CDH18: variants seen among roughly 807,000 people sequenced by gnomAD.
CDH18 encodes the protein cadherin 18, also known as cadherin-18.
Under a neutral mutation model 67.9 loss-of-function variants are expected in CDH18, and 31 were observed. The ratio of observed to expected loss-of-function variants is 0.46; its 90% CI spans 0.34 to 0.62. The LOEUF is 0.62. CDH18 is among the 20% of genes least tolerant of loss of function. The pLI is 0.01. For synonymous variants in CDH18, 362 were observed against 347.2 expected, an observed-to-expected ratio of 1.04 and a Z score of -0.48; for missense variants, 890 against 975.5, an observed-to-expected ratio of 0.91 and a Z score of 1.17.
intron 3 of CDH18, among the ~76,000 whole-genome samples, chr5:19,823,370 A>C (rs2149958215): frequency 6.6e-6 from 1 of 152,290 alleles, no homozygotes; most frequent in African/African-American, 2.4e-5. Context: ...ATGTTCAGAG[A>C]TTGCAGTAAA....
chr5:20,148,436 G>C (rs995237292), intron 2 of CDH18, among the ~76,000 whole-genome samples: 2 of 151,874 alleles, frequency 1.3e-5, no homozygotes, highest in Non-Finnish European at 2.9e-5. Flanking sequence ...CTTTATTAGA[G>C]AAAAACAAAA....
chr5:19,731,176 G>A (rs551665629), intron 4 of CDH18, among the ~76,000 whole-genome samples: 1 of 152,206 alleles, frequency 6.6e-6, no homozygotes, highest in South Asian at 2.1e-4. Context: ...TCGGCCAGGC[G>A]CAGCGGCTTA....
chr5:19,607,868 G>A (rs1345123203), intron 6 of CDH18, among the ~76,000 whole-genome samples: 1 of 151,496 alleles, frequency 6.6e-6, no homozygotes, highest in Non-Finnish European at 1.5e-5. Flanking sequence ...AATAGCTATA[G>A]GAGACAAATT....
At chr5:20,568,668 C>T (rs957134062) in intron 1 of CDH18, among the ~76,000 whole-genome samples, 10 of 152,090 alleles carry the variant, frequency 6.6e-5, no homozygotes, top group Non-Finnish European at 8.8e-5. Context: ...GAGACAGAGA[C>T]GGCAACTGAG....
At chr5:20,464,217 A>C in intron 1 of CDH18, among the ~76,000 whole-genome samples, 1 of 152,176 alleles carries the variant, frequency 6.6e-6, no homozygotes, top group East Asian at 1.9e-4. Context: ...AACAGAGACA[A>C]ATGTATGCAA....
At chr5:20,519,000 T>G (rs1755551282) in intron 1 of CDH18, among the ~76,000 whole-genome samples, 1 of 152,162 alleles carries the variant, frequency 6.6e-6, no homozygotes, top group Non-Finnish European at 1.5e-5. Context: ...GATGACTATA[T>G]ATTAGTATTT....
At chr5:19,859,984 C>CT in intron 2 of CDH18, among the ~76,000 whole-genome samples, 1 of 52,040 alleles carries the variant, frequency 1.9e-5, no homozygotes, top group East Asian at 4.8e-4. Flanking sequence ...TACTTGTTTG[C>CT]TTTGGGTGTG....
chr5:20,351,565 C>T (rs906002407), intron 1 of CDH18, among the ~76,000 whole-genome samples: 1 of 144,374 alleles, frequency 6.9e-6, no homozygotes, highest in Non-Finnish European at 1.5e-5. Context: ...TTTGTCCATA[C>T]AGTATCACCA....
chr5:19,872,005 C>A (rs548980891), intron 2 of CDH18, among the ~76,000 whole-genome samples: 27 of 152,278 alleles, frequency 1.8e-4, no homozygotes, highest in African/African-American at 6.0e-4. Flanking sequence ...CCATTGGAAA[C>A]TGGTGAACCA....
intron 2 of CDH18, among the ~76,000 whole-genome samples, chr5:19,950,768 C>A (rs552540990): frequency 1.3e-5 from 2 of 151,934 alleles, no homozygotes; most frequent in Non-Finnish European, 2.9e-5. Flanking sequence ...AAATATTTGA[C>A]ATGTAATGTT....
chr5:20,509,603 A>G (rs10070579), intron 1 of CDH18, among the ~76,000 whole-genome samples: 136,732 of 150,110 alleles, frequency 0.91, 62,113 homozygotes, highest in South Asian at 0.97. Flanking sequence ...TTTATTTTTA[A>G]TACAGATGGG....
At chr5:20,366,913 C>T (rs552733807) in intron 1 of CDH18, among the ~76,000 whole-genome samples, 3 of 152,194 alleles carry the variant, frequency 2.0e-5, no homozygotes, top group African/African-American at 7.2e-5. Context: ...CCAAGCTGTT[C>T]TAGACTTACC....
chr5:20,487,931 T>C (rs971847604), intron 1 of CDH18, among the ~76,000 whole-genome samples: 2 of 152,142 alleles, frequency 1.3e-5, no homozygotes, highest in Non-Finnish European at 2.9e-5. Flanking sequence ...ATGTAAAACC[T>C]GAACATGAGA....
At chr5:20,338,695 C>T (rs1170520977) in intron 1 of CDH18, among the ~76,000 whole-genome samples, 1 of 152,174 alleles carries the variant, frequency 6.6e-6, no homozygotes, top group African/African-American at 2.4e-5. Context: ...GGAGGTTAAT[C>T]ATTCCCTTTT....
At chr5:19,601,359 A>G (rs991948271) in intron 6 of CDH18, among the ~76,000 whole-genome samples, 2 of 152,238 alleles carry the variant, frequency 1.3e-5, no homozygotes, top group Admixed American at 6.5e-5. Flanking sequence ...GAATGTATAA[A>G]TAATGAATAT....
chr5:19,670,099 C>T (rs536085944), intron 5 of CDH18, among the ~76,000 whole-genome samples: 1 of 151,738 alleles, frequency 6.6e-6, no homozygotes, highest in South Asian at 2.1e-4. Context: ...GTGTAGATTG[C>T]CCTACAGATC....
chr5:20,349,672 T>G (rs1382777114), intron 1 of CDH18, among the ~76,000 whole-genome samples: 3 of 152,124 alleles, frequency 2.0e-5, no homozygotes, highest in African/African-American at 7.2e-5. Flanking sequence ...TTTTAGCTCC[T>G]TATCTGTCAG....
At chr5:20,044,858 C>A (rs1263884774) in intron 2 of CDH18, among the ~76,000 whole-genome samples, 1 of 151,810 alleles carries the variant, frequency 6.6e-6, no homozygotes, top group Non-Finnish European at 1.5e-5. Context: ...TTATTATACT[C>A]AAAATATTTT....
chr5:20,205,984 A>G (rs990239212), intron 2 of CDH18, among the ~76,000 whole-genome samples: 1 of 151,896 alleles, frequency 6.6e-6, no homozygotes, highest in Non-Finnish European at 1.5e-5. Flanking sequence ...ACAGGGGATG[A>G]AATAATAAAG....
Sources: gnomAD v4.1 joint callset for allele counts (sites outside exome capture counted in the v4.1 genomes callset) on GRCh38, gnomAD v4.1.1 for gene constraint, MANE v1.5 for transcripts, NCBI Gene and HGNC (gene_info 2026-07-23, HGNC 2026-07-21) for gene names.